CDON: variants seen among roughly 807,000 people sequenced by gnomAD.
CDON encodes cell adhesion molecule-related/down-regulated by oncogenes.
A neutral mutation model predicts 120.9 loss-of-function variants in CDON; 73 were observed. The observed-to-expected ratio is 0.60, with a 90% confidence interval of 0.50 to 0.73. The LOEUF is 0.73. Ranked by LOEUF, CDON falls within the 30% of genes least tolerant of loss-of-function variation. CDON has a pLI of 0.00. For missense variants in CDON, 1,470 were observed against 1,587.3 expected, an observed-to-expected ratio of 0.93 and a Z score of 1.26; for synonymous variants, 566 against 573.5, an observed-to-expected ratio of 0.99 and a Z score of 0.19.
At position 125,957,300 on chromosome 11, in the gene CDON, G is replaced by C. The variant is rs1945511910; in HGVS notation, c.*3642C>G. On this transcript the variant is annotated 3_prime_UTR_variant, in exon 20 of 20. Transcript: ENST00000531738. The stretch of plus-strand genomic sequence containing the variant: ...TTCAGGGCCTTGATCTCTGCAGTCA[G>C]AACAGAGGGGTGTGCACAGGGGAGT... 1 of 152,132 alleles carries C rather than the reference G, an allele frequency of 6.6e-6. No individual in the cohort carries two copies. Among genetic ancestry groups the C allele is most frequent in the Non-Finnish European group, 1.5e-5 (1 of 68,060 alleles). The allele number at this position is 152,132 out of a possible 1,614,324, so 9.4% of individuals were successfully genotyped here.
At chr11:126,021,158 A>AG in intron 3 of CDON, 90 bp downstream of exon 3, 1 of 1,387,666 alleles carries the variant, frequency 7.2e-7, no homozygotes, top group South Asian at 1.2e-5. Context: ...CTTTACACCA[A>AG]AGCCCATGGT....
In CDON at chr11:125,957,939, A is replaced by G. The variant is rs1945528937; in HGVS notation, c.*3003T>C. The stretch of plus-strand genomic sequence containing the variant: ...TGCTAAAACAATCACACAGAATTCT[A>G]GATGAGAAGGAACATGAATAGGCTT... On this transcript the variant is annotated 3_prime_UTR_variant, in exon 20 of 20. Transcript: ENST00000531738. The G allele has an allele frequency of 6.6e-6, 1 of 152,240 alleles. No homozygotes were observed. The highest frequency in any genetic ancestry group is 2.1e-4 in the South Asian group (1 of 4,830). 9.4% of individuals were successfully genotyped at this position (152,240 alleles called of 1,614,324 possible). A position where few individuals can be genotyped will look rare whatever the true frequency, so the allele number is the denominator to read the frequency against.
At chr11:125,988,401 G>A (rs534499954) in intron 15 of CDON, among the ~76,000 whole-genome samples, 205 of 152,200 alleles carry the variant, frequency 1.3e-3, no homozygotes, top group Non-Finnish European at 2.2e-3. Context: ...TTTGAGACAA[G>A]GTCTCACTCT....
intron 8 of CDON, 125 bp downstream of exon 8, chr11:126,010,216 C>G: frequency 1.4e-6 from 1 of 730,772 alleles, no homozygotes. Context: ...TTCTACATTT[C>G]ACTGTCATCA....
intron 2 of CDON, among the ~76,000 whole-genome samples, chr11:126,022,002 T>A (rs1947655950): frequency 6.8e-6 from 1 of 147,322 alleles, no homozygotes. Flanking sequence ...CTCCAGAGGC[T>A]GAGGTGGGAG....
rs1202845350 is a variant in CDON, at chr11:126,034,531, G to T, written c.-61-10994C>A. Among the ~76,000 whole-genome samples the T allele has an allele frequency of 6.6e-6, 1 of 151,788 alleles. No individual in the cohort carries two copies. Among genetic ancestry groups the T allele is most frequent in the Non-Finnish European group, 1.5e-5 (1 of 67,950 alleles). The stretch of plus-strand genomic sequence containing the variant: ...CAGTTAGGTTCTATTCACAATATTT[G>T]TGTGTTTAAAAAAAAAAGTCAAGTG... On this transcript the variant is annotated intron_variant, in intron 1 of 19. Transcript: ENST00000531738. This position sits in a 1 kb window ranked among gnomAD's most constrained non-coding sequence, Gnocchi z 4.5.
chr11:125,981,640 G>C (rs1946305273), intron 16 of CDON, among the ~76,000 whole-genome samples: 1 of 152,090 alleles, frequency 6.6e-6, no homozygotes, highest in Non-Finnish European at 1.5e-5. Context: ...AGTTAATTAT[G>C]ATTCTGTTAA....
chr11:125,986,368 C>T (rs1183222152), intron 15 of CDON, among the ~76,000 whole-genome samples: 6 of 152,066 alleles, frequency 3.9e-5, no homozygotes, highest in Non-Finnish European at 8.8e-5. Context: ...CAACACGGCA[C>T]ATGTATATGT....
rs147181680 is a variant in CDON, at chr11:126,023,920, C to G, written c.-61-383G>C. Among the ~76,000 whole-genome samples the G allele has an allele frequency of 2.2e-4, 33 of 152,340 alleles. No individual in the cohort carries two copies. In the East Asian group the frequency reaches 6.4e-3, roughly 29 times the overall value. On this transcript the variant is annotated intron_variant, in intron 1 of 19. Coordinates refer to ENST00000531738, the MANE Select transcript of CDON (RefSeq NM_001378964.1). ...AGGAAAACAACAAAATAATGGCTAA[C>G]ATTTACGGAGTGCTTACTATGTGCC... is the stretch of plus-strand genomic sequence containing the variant.
intron 15 of CDON, among the ~76,000 whole-genome samples, chr11:125,989,348 C>G (rs1946561435): frequency 6.6e-6 from 1 of 152,138 alleles, no homozygotes; most frequent in Non-Finnish European, 1.5e-5. Context: ...CCAGCTTGGC[C>G]AACATGGTGA....
chr11:125,967,776 A>G lies in CDON; in HGVS notation c.3357-5778T>C, dbSNP rs77264789. 7.1e-3 allele frequency among the ~76,000 whole-genome samples: 1,081 copies of G among 152,334 alleles called. 15 individuals are homozygous for G. The highest frequency in any genetic ancestry group is 0.025 in the African/African-American group (1,044 of 41,578). On this transcript the variant is annotated intron_variant, in intron 18 of 19. Coordinates refer to ENST00000531738, the MANE Select transcript of CDON (RefSeq NM_001378964.1). The stretch of plus-strand genomic sequence containing the variant: ...CTTAGCCTCCAGAGCAGCTGAGGCT[A>G]TGAGAATAGGGCACTTCCCACATTC...
intron 1 of CDON, among the ~76,000 whole-genome samples, chr11:126,030,746 A>G (rs1454983935): frequency 3.9e-5 from 6 of 152,204 alleles, no homozygotes; most frequent in Non-Finnish European, 7.4e-5. Flanking sequence ...AGTGCAGTCC[A>G]ATTTCAATTA....
At chr11:125,962,773 T>G (rs1945680615) in intron 18 of CDON, among the ~76,000 whole-genome samples, 1 of 152,194 alleles carries the variant, frequency 6.6e-6, no homozygotes, top group Admixed American at 6.5e-5. Context: ...ACTGAGCTCT[T>G]TAGCTCTGGA....
intron 2 of CDON, among the ~76,000 whole-genome samples, chr11:126,022,003 G>A (rs768815716): frequency 9.3e-5 from 14 of 150,914 alleles, no homozygotes; most frequent in Non-Finnish European, 1.8e-4. Context: ...TCCAGAGGCT[G>A]AGGTGGGAGG....
chr11:126,029,486 A>G (rs1947891674), intron 1 of CDON, among the ~76,000 whole-genome samples: 1 of 152,224 alleles, frequency 6.6e-6, no homozygotes. Flanking sequence ...GCTGACATTC[A>G]AAACAGTAAA....
chr11:126,002,543 G>T (rs1284774466), intron 10 of CDON, among the ~76,000 whole-genome samples: 1 of 152,028 alleles, frequency 6.6e-6, no homozygotes, highest in Non-Finnish European at 1.5e-5. Flanking sequence ...ACCCACTAAC[G>T]TCTCTTTGTT....
In CDON at chr11:125,978,587, T is replaced by C. The variant is rs636268; in HGVS notation, c.3277-204A>G. Among the ~76,000 whole-genome samples the C allele has an allele frequency of 0.25, 38,789 of 152,118 alleles. 5,179 individuals are homozygous for C. The highest frequency in any genetic ancestry group is 0.3 in the African/African-American group (12,553 of 41,478). On this transcript the variant is annotated intron_variant, in intron 17 of 19. Coordinates refer to ENST00000531738, the MANE Select transcript of CDON (RefSeq NM_001378964.1). ...CAAAGGAGTGAATGAGAGTTCTGCA[T>C]TAGATTTAACTGTATTCCAAAAACT...
At chr11:125,979,963 A>G (rs1946249020) in intron 17 of CDON, among the ~76,000 whole-genome samples, 1 of 152,214 alleles carries the variant, frequency 6.6e-6, no homozygotes, top group African/African-American at 2.4e-5. Context: ...ATATGAGTAT[A>G]TATTAGTTTT....
chr11:125,975,846 C>T (rs1004796550), intron 18 of CDON, among the ~76,000 whole-genome samples: 7 of 152,150 alleles, frequency 4.6e-5, no homozygotes, highest in Admixed American at 2.6e-4. Context: ...ATTCCTTCTA[C>T]GGGGAAACAC....
Sources: allele counts gnomAD v4.1 joint callset (sites outside exome capture counted in the v4.1 genomes callset), GRCh38; gene constraint gnomAD v4.1.1; non-coding constraint Gnocchi (gnomAD v3.1); transcripts MANE v1.5; gene names NCBI Gene and HGNC (gene_info 2026-07-23, HGNC 2026-07-21).